SMARCC1: variants seen among roughly 807,000 people sequenced by gnomAD.
SMARCC1 encodes the protein SWI/SNF related BAF chromatin remodeling complex subunit C1.
SMARCC1 carries 43 observed loss-of-function variants against 147.4 expected under a neutral mutation model. That is an observed-to-expected ratio of 0.29 (90% CI 0.23 to 0.38). The LOEUF is 0.38. Among genes scored for constraint, SMARCC1 ranks in the 10% least tolerant of loss-of-function variants. The pLI is 1.00. For missense variants in SMARCC1, 1,119 were observed against 1,381.1 expected, an observed-to-expected ratio of 0.81 and a Z score of 3.01; for synonymous variants, 495 against 484.4, an observed-to-expected ratio of 1.02 and a Z score of -0.29.
rs776833311 is a variant in SMARCC1 at position 47,772,814 on chromosome 3, T to C, written c.315+3A>G. ...CCAAATAACAGTAAGCTGATGTACTTACAGGGAGTTTGGTGAAGGCCGGGT... is the reference window on the plus strand; with the variant it reads ...CCAAATAACAGTAAGCTGATGTACTCACAGGGAGTTTGGTGAAGGCCGGGT... On this transcript the variant is annotated splice_donor_region_variant and intron_variant, in intron 2 of 27. Coordinates refer to ENST00000254480, the MANE Select transcript of SMARCC1 (RefSeq NM_003074.4). 1 of 1,611,952 alleles carries C rather than the reference T, an allele frequency of 6.2e-7. No individual in the cohort carries two copies. Among genetic ancestry groups the C allele is most frequent in the South Asian group, 1.1e-5 (1 of 90,896 alleles).
chr3:47,610,407 T>A (rs2032548321), intron 25 of SMARCC1, 80 bp from the exon 26 acceptor site: 1 of 1,461,590 alleles, frequency 6.8e-7, no homozygotes, highest in African/African-American at 1.4e-5. Context: ...AACTACATAA[T>A]GCCTGAATTA....
intron 18 of SMARCC1, among the ~76,000 whole-genome samples, chr3:47,671,196 A>AAAAAACAAAAAC (rs753672169): frequency 1.2e-5 from 1 of 81,144 alleles, no homozygotes; most frequent in Admixed American, 1.8e-4. Flanking sequence ...AAAAAAAAAA[A>AAAAAACAAAAAC]AACACACACA....
At chr3:47,717,752 A>C (rs928339883) in intron 7 of SMARCC1, among the ~76,000 whole-genome samples, 6 of 151,876 alleles carry the variant, frequency 4.0e-5, no homozygotes, top group African/African-American at 1.5e-4. Context: ...TTTTTTGTAG[A>C]GACAAGGTTT....
At chr3:47,684,297 T>C (rs1402430330) in intron 14 of SMARCC1, among the ~76,000 whole-genome samples, 3 of 151,146 alleles carry the variant, frequency 2.0e-5, no homozygotes, top group East Asian at 3.9e-4. Flanking sequence ...GCTCGAAGCA[T>C]GCCACAGTGC....
intron 2 of SMARCC1, among the ~76,000 whole-genome samples, chr3:47,750,801 C>A (rs1270497666): frequency 6.6e-6 from 1 of 151,934 alleles, no homozygotes; most frequent in Non-Finnish European, 1.5e-5. Flanking sequence ...CTGAGCTGGC[C>A]ATAACAATAA....
chr3:47,648,858 T>G (rs866252233), intron 21 of SMARCC1, among the ~76,000 whole-genome samples: 1 of 152,228 alleles, frequency 6.6e-6, no homozygotes, highest in South Asian at 2.1e-4. Context: ...GTATGTCGCA[T>G]GACATGACTT....
rs1476509424 is a variant in SMARCC1, at chr3:47,638,746, A to G, written c.2355T>C (p.Pro785=). Residue 785 remains proline, a synonymous_variant, in exon 22 of 28, where the codon CCT becomes CCC. Transcript: ENST00000254480. The part of the protein sequence containing the change: ...GAEEEKMEAD[P]DGQQPEKAEN... ...TTACCTTTTCAGGCTGCTGACCATC[A>G]GGGTCGGCTTCCATTTTTTCCTCTT... 1.2e-6 allele frequency: 2 copies of G among 1,613,568 alleles called. No homozygotes were observed. The highest frequency in any genetic ancestry group is 8.5e-7 in the Non-Finnish European group (1 of 1,179,456).
At chr3:47,654,314 G>T (rs986702128) in intron 21 of SMARCC1, among the ~76,000 whole-genome samples, 3 of 152,204 alleles carry the variant, frequency 2.0e-5, no homozygotes, top group African/African-American at 7.2e-5. Flanking sequence ...GCTGGGTACT[G>T]TCTGGTGGTG....
At chr3:47,672,743 T>C (rs1242039611) in intron 18 of SMARCC1, among the ~76,000 whole-genome samples, 1 of 152,102 alleles carries the variant, frequency 6.6e-6, no homozygotes, top group Non-Finnish European at 1.5e-5. Context: ...GTAGAAAGAA[T>C]TTTTTCTGCC....
At chr3:47,712,015 C>T (rs373710873) in intron 8 of SMARCC1, among the ~76,000 whole-genome samples, 44 of 152,156 alleles carry the variant, frequency 2.9e-4, no homozygotes, top group African/African-American at 1.1e-3. Flanking sequence ...GGCAGATCAC[C>T]TGAGGTCGGG....
intron 19 of SMARCC1, 49 bp from the exon 20 acceptor site, chr3:47,662,641 T>A (rs1326973368): frequency 6.6e-7 from 1 of 1,515,490 alleles, no homozygotes; most frequent in Admixed American, 1.8e-5. Flanking sequence ...AAGAAAGTAA[T>A]GTGTAATATT....
chr3:47,716,075 C>A (rs1282919171), intron 7 of SMARCC1, among the ~76,000 whole-genome samples: 1 of 151,046 alleles, frequency 6.6e-6, no homozygotes, highest in African/African-American at 2.4e-5. Context: ...AGTATGATGA[C>A]AAGTATTAGC....
intron 1 of SMARCC1, among the ~76,000 whole-genome samples, chr3:47,780,233 G>T (rs1206445940): frequency 1.4e-5 from 2 of 140,260 alleles, no homozygotes; most frequent in African/African-American, 5.4e-5. Flanking sequence ...GTGCAATGGT[G>T]CAATCTCGGC....
chr3:47,723,309 T>C lies in SMARCC1; in HGVS notation c.647-2574A>G, dbSNP rs536903414. ...GCATATCATACAGTTAATATAATAA[T>C]TGAAATTAGCTTAGATAGAAGAACA... On this transcript the variant is annotated intron_variant, in intron 6 of 27. Coordinates refer to ENST00000254480, the MANE Select transcript of SMARCC1 (RefSeq NM_003074.4). 2.3e-4 allele frequency among the ~76,000 whole-genome samples: 35 copies of C among 151,090 alleles called. No individual in the cohort carries two copies. The South Asian group carries it at 3.5e-3, about 15-fold the overall frequency.
At chr3:47,609,702 G>A (rs964719350) in intron 26 of SMARCC1, among the ~76,000 whole-genome samples, 1 of 152,238 alleles carries the variant, frequency 6.6e-6, no homozygotes, top group African/African-American at 2.4e-5. Context: ...GTGGCAGAAA[G>A]ATGATGGTTG....
chr3:47,658,507 A>C (rs922656368), intron 21 of SMARCC1, among the ~76,000 whole-genome samples: 3 of 152,260 alleles, frequency 2.0e-5, no homozygotes, highest in African/African-American at 7.2e-5. Context: ...GACATTTCTT[A>C]TAAATGCAAT....
At position 47,633,805 on chromosome 3, in the gene SMARCC1, CACACACACACACAT is replaced by C. The variant is rs1426726301; in HGVS notation, c.2646+1371_2646+1384del. ...ACACACACACACACACACACACACA[CACACACACACACAT>C]ATATATAAAATGTGAGAGACTATGA... On this transcript the variant is annotated intron_variant, in intron 24 of 27. Coordinates refer to ENST00000254480, the MANE Select transcript of SMARCC1 (RefSeq NM_003074.4). Among the ~76,000 whole-genome samples the C allele has an allele frequency of 9.5e-4, 97 of 101,798 alleles. 4 individuals carry two copies. Among genetic ancestry groups the C allele is most frequent in the African/African-American group, 2.9e-3 (91 of 31,052 alleles). 66.8% of individuals were successfully genotyped at this position (101,798 alleles called of 152,430 possible).
chr3:47,659,399 G>A (rs2033310098), intron 21 of SMARCC1, among the ~76,000 whole-genome samples: 1 of 151,080 alleles, frequency 6.6e-6, no homozygotes, highest in Non-Finnish European at 1.5e-5. Context: ...AACAATATAT[G>A]AATACAGATG....
At chr3:47,595,033 G>GT (rs905591055) in intron 26 of SMARCC1, among the ~76,000 whole-genome samples, 10 of 151,830 alleles carry the variant, frequency 6.6e-5, no homozygotes, top group African/African-American at 1.9e-4. Flanking sequence ...TTTGGGATTG[G>GT]TTTTTTTTCA....
Sources: gnomAD v4.1 joint callset for allele counts (sites outside exome capture counted in the v4.1 genomes callset) on GRCh38, gnomAD v4.1.1 for gene constraint, MANE v1.5 for transcripts, NCBI Gene and HGNC (gene_info 2026-07-23, HGNC 2026-07-21) for gene names.